ACO1: variants seen among roughly 807,000 people sequenced by gnomAD.
ACO1 encodes the protein cytoplasmic aconitate hydratase.
In ACO1, 78 loss-of-function variants were observed where a neutral mutation model predicts 105.1. That is an observed-to-expected ratio of 0.74 (90% confidence interval 0.62 to 0.90). The LOEUF (loss-of-function observed/expected upper bound fraction) is 0.90, where lower values mean the gene tolerates loss of function less well. Ranked by LOEUF, ACO1 falls within the 40% of genes least tolerant of loss-of-function variation. ACO1 has a pLI of 0.00. For synonymous variants in ACO1, 364 were observed against 397.4 expected (o/e 0.92, Z 1.00); for missense variants, 965 against 1,111.1 (o/e 0.87, Z 1.87).
At chr9:32,427,251 A>G (rs1822120022) in intron 11 of ACO1, 50 bp from the exon 12 acceptor site, 1 of 1,581,610 alleles carries the variant, frequency 6.3e-7, no homozygotes. Context: ...TGTGCCTGGC[A>G]CCTAGAGCAG....
chr9:32,395,795 G>A (rs1334426656), intron 1 of ACO1, among the ~76,000 whole-genome samples: 2 of 152,198 alleles, frequency 1.3e-5, no homozygotes, highest in African/African-American at 4.8e-5. Flanking sequence ...GACTTTTTAC[G>A]AAACTCTGGT....
At chr9:32,431,611 C>T (rs1428706170) in intron 14 of ACO1, 108 bp from the exon 15 acceptor site, 3 of 1,234,090 alleles carry the variant, frequency 2.4e-6, no homozygotes, top group East Asian at 4.8e-5. Flanking sequence ...TCAGTGTTCA[C>T]ACGGGCTTTA....
chr9:32,430,407 G>C lies in ACO1; in HGVS notation c.1570-11G>C, dbSNP rs748574768. 5.0e-6 allele frequency: 8 copies of C among 1,601,504 alleles called. No homozygotes were observed. The Admixed American group carries it at 8.8e-5, about 18-fold the overall frequency. On this transcript the variant is annotated splice_polypyrimidine_tract_variant and intron_variant, in intron 13 of 20. Transcript: ENST00000309951. The stretch of plus-strand genomic sequence containing the variant: ...CTTTTAGTGACCTGATTTTTCTCTT[G>C]CCTTACTCAGGGAGACCTTGTAGCT...
At chr9:32,416,585 C>T (rs541769762) in intron 4 of ACO1, among the ~76,000 whole-genome samples, 28 of 152,174 alleles carry the variant, frequency 1.8e-4, no homozygotes, top group Non-Finnish European at 3.7e-4. Context: ...CAAGTGCTCC[C>T]GTACCAGGCA....
At chr9:32,447,011 C>T (rs1254996325) in intron 19 of ACO1, among the ~76,000 whole-genome samples, 1 of 152,170 alleles carries the variant, frequency 6.6e-6, no homozygotes, top group Non-Finnish European at 1.5e-5. Context: ...CTGCCCTTAA[C>T]ATTTTTTTCT....
intron 17 of ACO1, among the ~76,000 whole-genome samples, chr9:32,435,149 A>G (rs1034973856): frequency 1.3e-5 from 2 of 152,162 alleles, no homozygotes; most frequent in Non-Finnish European, 2.9e-5. Flanking sequence ...GCTGATATTC[A>G]TAGGTATGCC....
intron 1 of ACO1, among the ~76,000 whole-genome samples, chr9:32,392,738 G>A (rs1821291875): frequency 6.6e-6 from 1 of 152,192 alleles, no homozygotes; most frequent in Non-Finnish European, 1.5e-5. Context: ...AACTGTTGCG[G>A]GAGGTCAGGG....
At chr9:32,446,021 T>G (rs1434114755) in intron 19 of ACO1, among the ~76,000 whole-genome samples, 1 of 152,238 alleles carries the variant, frequency 6.6e-6, no homozygotes, top group African/African-American at 2.4e-5. Context: ...AGGAGTGTTT[T>G]ACTTCCAATT....
At chr9:32,390,288 C>T (rs1284536087) in intron 1 of ACO1, among the ~76,000 whole-genome samples, 2 of 152,174 alleles carry the variant, frequency 1.3e-5, no homozygotes, top group Non-Finnish European at 1.5e-5. Context: ...GCTGAGGAGC[C>T]CCTGAACACT....
At chr9:32,444,388 A>T (rs1032884505) in intron 19 of ACO1, among the ~76,000 whole-genome samples, 1 of 152,186 alleles carries the variant, frequency 6.6e-6, no homozygotes, top group Non-Finnish European at 1.5e-5. Context: ...TACATCCTTA[A>T]GGAATCGCCA....
At chr9:32,407,605 A>C (rs1821644252) in intron 3 of ACO1, among the ~76,000 whole-genome samples, 176 bp downstream of exon 3, 1 of 152,222 alleles carries the variant, frequency 6.6e-6, no homozygotes, top group Non-Finnish European at 1.5e-5. Context: ...CATTGCCCCC[A>C]GCAGCAAGAG....
chr9:32,399,418 T>C (rs889378561), intron 1 of ACO1, among the ~76,000 whole-genome samples: 7 of 152,148 alleles, frequency 4.6e-5, no homozygotes, highest in Admixed American at 4.6e-4. Context: ...AAAAGGTAAA[T>C]ATGAATTCTA....
At chr9:32,448,711 T>G (rs1056548626) in intron 19 of ACO1, among the ~76,000 whole-genome samples, 185 bp from the exon 20 acceptor site, 2 of 152,184 alleles carry the variant, frequency 1.3e-5, no homozygotes, top group Admixed American at 6.5e-5. Flanking sequence ...CCCAATGAGA[T>G]GAACCGGGTA....
intron 1 of ACO1, among the ~76,000 whole-genome samples, chr9:32,389,088 C>G (rs1821212121): frequency 6.6e-6 from 1 of 152,206 alleles, no homozygotes; most frequent in African/African-American, 2.4e-5. Flanking sequence ...TGTTCCTTAG[C>G]AAGCTATTGT....
intron 10 of ACO1, 23 bp downstream of exon 10, chr9:32,424,688 T>C (rs772943365): frequency 3.3e-6 from 5 of 1,520,484 alleles, no homozygotes; most frequent in Non-Finnish European, 3.6e-6. Flanking sequence ...GGGAAGAGGT[T>C]GAATCCTCTC....
chr9:32,447,599 T>C (rs1822645777), intron 19 of ACO1, among the ~76,000 whole-genome samples: 1 of 152,206 alleles, frequency 6.6e-6, no homozygotes, highest in East Asian at 1.9e-4. Context: ...CGTCTAGTTT[T>C]GTTCCCTTGA....
At chr9:32,417,201 C>T (rs1354232187) in intron 4 of ACO1, among the ~76,000 whole-genome samples, 1 of 152,172 alleles carries the variant, frequency 6.6e-6, no homozygotes, top group East Asian at 1.9e-4. Context: ...ATTAGTTGCA[C>T]CTAACTCAAA....
chr9:32,403,068 C>T lies in ACO1; in HGVS notation c.-22-2417C>T, dbSNP rs1364288783. Among the ~76,000 whole-genome samples, 6 of 152,102 alleles carry T rather than the reference C, an allele frequency of 3.9e-5. No individual in the cohort carries two copies. The East Asian group carries it at 1.2e-3, about 29-fold the overall frequency. Reference sequence around the variant, plus strand: ...TGTGAGAGGATTTCCCATGACTTTCCCAGCTTTAGGGGCTAGTGGGTGACC... The same window carrying T: ...TGTGAGAGGATTTCCCATGACTTTCTCAGCTTTAGGGGCTAGTGGGTGACC... On this transcript the variant is annotated intron_variant, in intron 1 of 20. Transcript: ENST00000309951.
At chr9:32,419,917 T>C (rs1821932459) in intron 7 of ACO1, among the ~76,000 whole-genome samples, 1 of 152,236 alleles carries the variant, frequency 6.6e-6, no homozygotes, top group Non-Finnish European at 1.5e-5. Context: ...CTTTTATAGT[T>C]TGGAGGCTGG....
Sources: allele counts gnomAD v4.1 joint callset (sites outside exome capture counted in the v4.1 genomes callset), GRCh38; gene constraint gnomAD v4.1.1; transcripts MANE v1.5; gene names NCBI Gene and HGNC (gene_info 2026-07-23, HGNC 2026-07-21).